COL25A1: variants seen among roughly 807,000 people sequenced by gnomAD.
The protein encoded by COL25A1 is collagen type XXV alpha 1 chain, also known as collagen alpha-1(XXV) chain.
In COL25A1, 103 loss-of-function variants were observed where a neutral mutation model predicts 128.4. That is an observed-to-expected ratio of 0.80 (90% CI 0.68 to 0.94). The LOEUF (loss-of-function observed/expected upper bound fraction) is 0.94. COL25A1 is among the 40% of genes least tolerant of loss of function. COL25A1 has a pLI of 0.00. For missense variants in COL25A1, 745 were observed against 840.0 expected (o/e 0.89, Z 1.40); for synonymous variants, 279 against 277.2 (o/e 1.01, Z -0.06).
In COL25A1 at chr4:108,863,363, G is replaced by T. The variant is rs770076647; in HGVS notation, c.1108C>A (p.Pro370Thr). The T allele has an allele frequency of 2.5e-6, 4 of 1,613,664 alleles. No individual in the cohort carries two copies. The African/African-American group carries it at 5.3e-5, about 22-fold the overall frequency. Reference sequence around the variant, plus strand: ...GGTTCCCCTCGCTCACCTCTTCCAGGAGGCCCTGCTTCCCCCCGTTCACCC... The same window carrying T: ...GGTTCCCCTCGCTCACCTCTTCCAGTAGGCCCTGCTTCCCCCCGTTCACCC... ...TKGERGEAGP[P>T]GRGERGEPGA... Residue 370 changes from proline to threonine, a missense_variant, in exon 21 of 38, where the codon CCT (proline) becomes ACT (threonine). By Grantham distance (38) the Pro-to-Thr change is conservative. This residue lies in a region of COL25A1 where 387 missense variants were observed against 441.9 expected (regional missense o/e 0.88). Coordinates refer to ENST00000399132, the MANE Select transcript of COL25A1 (RefSeq NM_198721.4).
chr4:108,859,634 A>ACT (rs1736926498), intron 24 of COL25A1, 22 bp downstream of exon 24: 1 of 1,606,902 alleles, frequency 6.2e-7, no homozygotes, highest in East Asian at 2.2e-5. Flanking sequence ...AGTGTGTGTC[A>ACT]GGGCAGGGAC....
In COL25A1 at chr4:108,810,199, A is replaced by T. The variant is rs1018963614; in HGVS notation, c.*3728T>A. The T allele has an allele frequency of 6.6e-6, 1 of 151,924 alleles. No individual in the cohort carries two copies. The allele number at this position is 151,924 out of a possible 1,614,324, so 9.4% of individuals were successfully genotyped here. On this transcript the variant is annotated 3_prime_UTR_variant, in exon 38 of 38. Coordinates refer to ENST00000399132, the MANE Select transcript of COL25A1 (RefSeq NM_198721.4). ...TGCTTCAATAGTAACATTAAAAAAAAAAACCCTTGGAAATTAAGCACATTT... is the reference window on the plus strand; with the variant it reads ...TGCTTCAATAGTAACATTAAAAAAATAAACCCTTGGAAATTAAGCACATTT...
At chr4:109,131,746 G>A (rs769590681) in intron 3 of COL25A1, among the ~76,000 whole-genome samples, 5 of 152,176 alleles carry the variant, frequency 3.3e-5, no homozygotes, top group African/African-American at 4.8e-5. Flanking sequence ...CATCATAGGC[G>A]CAAGTCCTCC....
chr4:108,970,309 C>T (rs1353908683), intron 8 of COL25A1, among the ~76,000 whole-genome samples: 2 of 152,298 alleles, frequency 1.3e-5, no homozygotes, highest in East Asian at 1.9e-4. Context: ...GCCTACCACG[C>T]TAGACATTCA....
At chr4:109,275,023 T>C (rs1722678943) in intron 3 of COL25A1, among the ~76,000 whole-genome samples, 1 of 152,214 alleles carries the variant, frequency 6.6e-6, no homozygotes, top group African/African-American at 2.4e-5. Flanking sequence ...AGAAGGTACA[T>C]GTATACACAA....
chr4:108,939,607 TC>T (rs1436123184), intron 10 of COL25A1, among the ~76,000 whole-genome samples: 2 of 152,170 alleles, frequency 1.3e-5, no homozygotes, highest in Admixed American at 6.5e-5. Context: ...AATATTTTTT[TC>T]TTTTTGGTTT....
chr4:108,863,347 C>G lies in COL25A1; in HGVS notation c.1124G>C (p.Arg375Pro). 6.2e-7 allele frequency: 1 copy of G among 1,613,776 alleles called. No individual in the cohort carries two copies. Among genetic ancestry groups the G allele is most frequent in the South Asian group, 1.1e-5 (1 of 90,998 alleles). Reference sequence around the variant, plus strand: ...TGGTCCGGGGGCTCCAGGTTCCCCTCGCTCACCTCTTCCAGGAGGCCCTGC... The same window carrying G: ...TGGTCCGGGGGCTCCAGGTTCCCCTGGCTCACCTCTTCCAGGAGGCCCTGC... ...GEAGPPGRGE[R>P]GEPGAPGPKG... The change falls in exon 21 of 38, where the codon CGA (arginine) becomes CCA (proline). Residue 375 changes from arginine (R) to proline (P), a missense_variant. By Grantham distance (103) the Arg-to-Pro change is moderately radical. Transcript: ENST00000399132.
chr4:109,280,849 G>A lies in COL25A1; in HGVS notation c.367+19734C>T, dbSNP rs1723313585. On this transcript the variant is annotated intron_variant, in intron 3 of 37. Transcript: ENST00000399132. ...TTTAGTAAAGATGTAGTTTCACCAT[G>A]TTGGCCAGGCTGGTCTCGAACTCCT... Among the ~76,000 whole-genome samples the A allele has an allele frequency of 2.0e-5, 3 of 151,968 alleles. No homozygotes were observed. In the South Asian group the frequency reaches 6.2e-4, roughly 32 times the overall value.
intron 3 of COL25A1, among the ~76,000 whole-genome samples, chr4:109,115,728 A>C (rs930068323): frequency 6.6e-6 from 1 of 152,036 alleles, no homozygotes; most frequent in African/African-American, 2.4e-5. Flanking sequence ...GCCAGTGTAC[A>C]GACAGATGCA....
chr4:109,196,401 GTGTGTATATA>G (rs1225993018), intron 3 of COL25A1, among the ~76,000 whole-genome samples: 1 of 152,056 alleles, frequency 6.6e-6, no homozygotes, highest in African/African-American at 2.4e-5. Context: ...ATATGTGAAT[GTGTGTATATA>G]TGTGTATATA....
intron 3 of COL25A1, among the ~76,000 whole-genome samples, chr4:109,107,177 A>G (rs944710784): frequency 6.6e-6 from 1 of 152,182 alleles, no homozygotes; most frequent in Non-Finnish European, 1.5e-5. Flanking sequence ...CAATTTAGAC[A>G]AAAAGTAATA....
intron 3 of COL25A1, among the ~76,000 whole-genome samples, chr4:109,170,937 A>G (rs1272770387): frequency 6.6e-6 from 1 of 152,066 alleles, no homozygotes; most frequent in Non-Finnish European, 1.5e-5. Flanking sequence ...CAGTTCCTCT[A>G]TCAACTGCAA....
chr4:109,079,508 G>A (rs767852558), intron 3 of COL25A1, among the ~76,000 whole-genome samples: 6 of 152,004 alleles, frequency 3.9e-5, no homozygotes, highest in Non-Finnish European at 8.8e-5. Flanking sequence ...ATAACACATC[G>A]CCCTTATCCA....
chr4:109,255,454 C>T (rs1178329163), intron 3 of COL25A1, among the ~76,000 whole-genome samples: 1 of 152,134 alleles, frequency 6.6e-6, no homozygotes, highest in African/African-American at 2.4e-5. Flanking sequence ...TGCTCTAAAG[C>T]CATGGGTCTC....
intron 6 of COL25A1, among the ~76,000 whole-genome samples, chr4:108,981,853 A>G (rs765226548): frequency 2.0e-5 from 3 of 152,242 alleles, no homozygotes; most frequent in Non-Finnish European, 4.4e-5. Context: ...TATTTTAATT[A>G]TCATAAACAT....
intron 3 of COL25A1, among the ~76,000 whole-genome samples, chr4:109,295,889 A>G (rs1724929258): frequency 6.6e-6 from 1 of 152,116 alleles, no homozygotes. Context: ...GAGAGACCTC[A>G]GAAGTTACCT....
At chr4:108,929,871 G>C (rs770314300) in intron 11 of COL25A1, among the ~76,000 whole-genome samples, 3 of 152,058 alleles carry the variant, frequency 2.0e-5, no homozygotes, top group African/African-American at 4.8e-5. Context: ...GAGCAATTTT[G>C]TGTAATTCTG....
chr4:109,125,459 A>T (rs1007921250), intron 3 of COL25A1, among the ~76,000 whole-genome samples: 7 of 152,254 alleles, frequency 4.6e-5, no homozygotes, highest in African/African-American at 1.7e-4. Context: ...CTCACACTGA[A>T]CCAGCTCTGA....
At chr4:109,014,288 T>C (rs1013310341) in intron 5 of COL25A1, among the ~76,000 whole-genome samples, 21 of 147,892 alleles carry the variant, frequency 1.4e-4, no homozygotes, top group African/African-American at 5.4e-4. Flanking sequence ...GCCTCAGTTA[T>C]AGAGTGACAC....
Sources: allele counts gnomAD v4.1 joint callset (sites outside exome capture counted in the v4.1 genomes callset), GRCh38; gene constraint gnomAD v4.1.1; regional missense constraint gnomAD v4.1.1; transcripts MANE v1.5; gene names NCBI Gene and HGNC (gene_info 2026-07-23, HGNC 2026-07-21).